RPS6KC1: variants seen among roughly 807,000 people sequenced by gnomAD.
RPS6KC1 encodes inactive ribosomal protein S6 kinase delta-1.
Under a neutral mutation model 103.8 loss-of-function variants are expected in RPS6KC1, and 54 were observed. The ratio of observed to expected loss-of-function variants is 0.52; its 90% CI spans 0.42 to 0.65. RPS6KC1 has a LOEUF of 0.65. Ranked by LOEUF, RPS6KC1 falls within the 30% of genes least tolerant of loss-of-function variation. The pLI, the probability that RPS6KC1 is intolerant of heterozygous loss-of-function variation, is 0.00. For synonymous variants in RPS6KC1, 439 were observed against 438.7 expected (o/e 1.00, Z -0.01); for missense variants, 1,151 against 1,253.8 (o/e 0.92, Z 1.24).
intron 8 of RPS6KC1, among the ~76,000 whole-genome samples, chr1:213,177,007 A>G (rs981369418): frequency 6.6e-6 from 1 of 152,218 alleles, no homozygotes; most frequent in African/African-American, 2.4e-5. Context: ...CCAAAGTCAC[A>G]TAGCTAATTT....
chr1:213,214,702 A>G (rs896382595), intron 8 of RPS6KC1, among the ~76,000 whole-genome samples: 2 of 152,220 alleles, frequency 1.3e-5, no homozygotes, highest in Admixed American at 1.3e-4. Flanking sequence ...ATCAGGCAGC[A>G]ACATTGGCTG....
intron 2 of RPS6KC1, among the ~76,000 whole-genome samples, chr1:213,073,747 C>T (rs1377384522): frequency 6.6e-6 from 1 of 152,106 alleles, no homozygotes; most frequent in Non-Finnish European, 1.5e-5. Context: ...ATGATCTTGG[C>T]TCACTGCAAC....
the RPS6KC1 span, among the ~76,000 whole-genome samples, chr1:213,384,147 G>A: frequency 3.3e-5 from 5 of 152,086 alleles, no homozygotes; most frequent in African/African-American, 9.6e-5. Flanking sequence ...GTGGTGGCGG[G>A]TGCCTGTAGT....
chr1:213,155,898 A>G (rs951064727), intron 6 of RPS6KC1, among the ~76,000 whole-genome samples: 6 of 152,202 alleles, frequency 3.9e-5, no homozygotes, highest in Non-Finnish European at 5.9e-5. Flanking sequence ...GGATCAAACT[A>G]TATTCAAGAA....
chr1:213,842,335 A>G, the RPS6KC1 span: 1 of 152,158 alleles, frequency 6.6e-6, no homozygotes, highest in Admixed American at 6.6e-5. Flanking sequence ...TCATGGGGTG[A>G]TCAGGAAGAC....
the RPS6KC1 span, among the ~76,000 whole-genome samples, chr1:213,477,834 C>T: frequency 2.0e-5 from 3 of 152,128 alleles, no homozygotes; most frequent in Non-Finnish European, 2.9e-5. Flanking sequence ...TCTTGTGTCA[C>T]TGTGATACAT....
chr1:213,545,327 G>A, the RPS6KC1 span, among the ~76,000 whole-genome samples: 1 of 150,036 alleles, frequency 6.7e-6, no homozygotes, highest in Non-Finnish European at 1.5e-5. Context: ...GCTGAGATCG[G>A]GCCACTGCAC....
chr1:213,280,815 T>C, the RPS6KC1 span, among the ~76,000 whole-genome samples: 3 of 152,210 alleles, frequency 2.0e-5, no homozygotes, highest in Non-Finnish European at 4.4e-5. Flanking sequence ...TTAAAATGTT[T>C]AGATAATCTT....
the RPS6KC1 span, among the ~76,000 whole-genome samples, chr1:213,719,531 T>C: frequency 6.7e-6 from 1 of 149,604 alleles, no homozygotes; most frequent in South Asian, 2.1e-4. Context: ...AAATAATATT[T>C]ACATTTTATT....
the RPS6KC1 span, among the ~76,000 whole-genome samples, chr1:213,654,906 C>A: frequency 6.6e-6 from 1 of 152,124 alleles, no homozygotes; most frequent in African/African-American, 2.4e-5. Context: ...TGTTTTTCAC[C>A]CAATGAGTAA....
chr1:213,346,923 A>C, the RPS6KC1 span, among the ~76,000 whole-genome samples: 1 of 152,262 alleles, frequency 6.6e-6, no homozygotes, highest in African/African-American at 2.4e-5. Flanking sequence ...GTCCTCTCTT[A>C]CCACTAGTGG....
chr1:213,561,570 GAC>G, the RPS6KC1 span, among the ~76,000 whole-genome samples: 2 of 152,202 alleles, frequency 1.3e-5, no homozygotes, highest in Non-Finnish European at 2.9e-5. Flanking sequence ...TGAGGGTACA[GAC>G]AGCTGGGCTC....
the RPS6KC1 span, among the ~76,000 whole-genome samples, chr1:213,787,632 T>C: frequency 6.6e-6 from 1 of 152,064 alleles, no homozygotes; most frequent in African/African-American, 2.4e-5. Context: ...GGTGATCTGG[T>C]TGATAGCTAG....
chr1:213,622,124 G>A, the RPS6KC1 span, among the ~76,000 whole-genome samples: 3 of 152,040 alleles, frequency 2.0e-5, no homozygotes, highest in African/African-American at 4.8e-5. Context: ...TGTACCTGAC[G>A]AAATACTTGA....
At chr1:213,493,010 A>G in the RPS6KC1 span, among the ~76,000 whole-genome samples, 1 of 152,178 alleles carries the variant, frequency 6.6e-6, no homozygotes, top group South Asian at 2.1e-4. Context: ...TGCTGCTGGT[A>G]GAGATCGTGG....
chr1:213,433,031 G>A, the RPS6KC1 span, among the ~76,000 whole-genome samples: 1 of 152,134 alleles, frequency 6.6e-6, no homozygotes, highest in Non-Finnish European at 1.5e-5. Context: ...TTAAAGTTCT[G>A]TAGCTCAGAA....
At chr1:213,639,053 T>C in the RPS6KC1 span, among the ~76,000 whole-genome samples, 1 of 152,108 alleles carries the variant, frequency 6.6e-6, no homozygotes, top group Admixed American at 6.6e-5. Flanking sequence ...TCAGCATATA[T>C]ACTCTGTATA....
chr1:213,682,814 A>C, the RPS6KC1 span, among the ~76,000 whole-genome samples: 2 of 152,236 alleles, frequency 1.3e-5, no homozygotes, highest in African/African-American at 4.8e-5. Flanking sequence ...AGCATCACCC[A>C]GGATAACCAC....
chr1:213,239,321 G>C (rs2094298278), intron 10 of RPS6KC1, among the ~76,000 whole-genome samples: 1 of 151,626 alleles, frequency 6.6e-6, no homozygotes, highest in Non-Finnish European at 1.5e-5. Context: ...CTGGGCTACA[G>C]AGTGAGACTC....
Sources: gnomAD v4.1 joint callset for allele counts (sites outside exome capture counted in the v4.1 genomes callset) on GRCh38, gnomAD v4.1.1 for gene constraint, MANE v1.5 for transcripts, NCBI Gene and HGNC (gene_info 2026-07-23, HGNC 2026-07-21) for gene names.